ESRRB: variants seen among roughly 807,000 people sequenced by gnomAD.
ESRRB encodes steroid hormone receptor ERR2.
A neutral mutation model predicts 46.0 loss-of-function variants in ESRRB; 16 were observed. That is an observed-to-expected ratio of 0.35 (90% CI 0.24 to 0.53). ESRRB has a LOEUF of 0.53. Among genes scored for constraint, ESRRB ranks in the 20% least tolerant of loss-of-function variants. The pLI is 0.93. For missense variants in ESRRB, 488 were observed against 607.4 expected (o/e 0.80, Z 2.07); for synonymous variants, 246 against 259.6 (o/e 0.95, Z 0.50).
Position 76,499,993 on chromosome 14 carries a change from G to T in ESRRB, c.*1535G>T. The T allele has an allele frequency of 6.3e-7, 1 of 1,582,286 alleles. No individual in the cohort carries two copies. The highest frequency in any genetic ancestry group is 8.6e-7 in the Non-Finnish European group (1 of 1,163,356). On this transcript the variant is annotated 3_prime_UTR_variant, in exon 7 of 7. Transcript: ENST00000644823. ...AACTCCCCGGGGATCCCCAATCCAC[G>T]CCCTTCTAGTCCAACCCCCCTCAAT...
chr14:76,364,606 TG>T (rs1884500270), intron 1 of ESRRB, among the ~76,000 whole-genome samples: 1 of 151,528 alleles, frequency 6.6e-6, no homozygotes, highest in Non-Finnish European at 1.5e-5. Context: ...ATGGGAAAAT[TG>T]CTTGAACCTG....
At chr14:76,382,086 G>A (rs1337130942) in intron 1 of ESRRB, among the ~76,000 whole-genome samples, 1 of 152,160 alleles carries the variant, frequency 6.6e-6, no homozygotes, top group East Asian at 1.9e-4. Context: ...TGTAGAGGAT[G>A]TTTCTGAACC....
intron 3 of ESRRB, among the ~76,000 whole-genome samples, chr14:76,474,247 C>T (rs1475628358): frequency 6.6e-6 from 1 of 152,240 alleles, no homozygotes; most frequent in Non-Finnish European, 1.5e-5. Context: ...AAGCCAGACT[C>T]TATGACCTTC....
Position 76,482,267 on chromosome 14 carries a change from AT to A in ESRRB, c.688+144del. 2 of 749,052 alleles carry A rather than the reference AT, an allele frequency of 2.7e-6. No individual in the cohort carries two copies. Among genetic ancestry groups the A allele is most frequent in the South Asian group, 3.0e-5 (2 of 66,762 alleles). The allele number at this position is 749,052 out of a possible 1,614,324, so 46.4% of individuals were successfully genotyped here. ...GGGAGGTGACATCAGTGCCTGGCAC[AT>A]TTAGAATGTGGCTCCAAATGAAGCA... is the stretch of plus-strand genomic sequence containing the variant. On this transcript the variant is annotated intron_variant, in intron 4 of 6. Transcript: ENST00000644823. The surrounding 1 kb of genome is among the most constrained non-coding windows in gnomAD (Gnocchi z 4.3).
At chr14:76,402,836 G>T (rs909649589) in intron 1 of ESRRB, among the ~76,000 whole-genome samples, 14 of 152,078 alleles carry the variant, frequency 9.2e-5, no homozygotes, top group Admixed American at 5.9e-4. Context: ...TCAGCTCTGG[G>T]AATTCTTTCT....
At chr14:76,432,610 C>T (rs1158803506) in intron 1 of ESRRB, among the ~76,000 whole-genome samples, 5 of 127,760 alleles carry the variant, frequency 3.9e-5, no homozygotes, top group East Asian at 5.9e-4. Flanking sequence ...CACCTACAAA[C>T]TTCTCATCTG....
intron 6 of ESRRB, among the ~76,000 whole-genome samples, chr14:76,495,019 C>A (rs1455077678): frequency 1.3e-5 from 2 of 152,200 alleles, no homozygotes; most frequent in Admixed American, 1.3e-4. Context: ...CATGGACCCG[C>A]ACACATACAC....
intron 6 of ESRRB, among the ~76,000 whole-genome samples, chr14:76,492,114 A>G (rs191641343): frequency 6.6e-6 from 1 of 152,372 alleles, no homozygotes; most frequent in Admixed American, 6.5e-5. Context: ...TTCTTTATAC[A>G]TAATTATATT....
intron 2 of ESRRB, among the ~76,000 whole-genome samples, chr14:76,460,708 C>CCTTTTTTTTTTTTTT: frequency 9.2e-6 from 1 of 108,982 alleles, no homozygotes; most frequent in African/African-American, 4.6e-5. Flanking sequence ...GTTCCAGTTA[C>CCTTTTTTTTTTTTTT]ATTTTTTTTT....
intron 1 of ESRRB, among the ~76,000 whole-genome samples, chr14:76,411,665 C>A (rs908546653): frequency 6.6e-6 from 1 of 152,080 alleles, no homozygotes; most frequent in Non-Finnish European, 1.5e-5. Flanking sequence ...GTGGCAGCAT[C>A]CAGCTTCATA....
At chr14:76,345,078 C>A (rs937909575) in intron 1 of ESRRB, among the ~76,000 whole-genome samples, 1 of 152,142 alleles carries the variant, frequency 6.6e-6, no homozygotes, top group Non-Finnish European at 1.5e-5. Flanking sequence ...AGACTTGAAA[C>A]TATAAAAATT....
chr14:76,322,109 T>G (rs1191587079), intron 1 of ESRRB, among the ~76,000 whole-genome samples: 1 of 152,158 alleles, frequency 6.6e-6, no homozygotes, highest in African/African-American at 2.4e-5. Flanking sequence ...GTTTTCATCT[T>G]TTTATGTATT....
chr14:76,491,353 A>G lies in ESRRB; in HGVS notation c.851-94A>G, dbSNP rs1186270666. 28 of 1,333,306 alleles carry G rather than the reference A, an allele frequency of 2.1e-5. 1 individual carries two copies. In the Admixed American group the frequency reaches 5.5e-4, roughly 26 times the overall value. The allele number at this position is 1,333,306 out of a possible 1,614,324, so 82.6% of individuals were successfully genotyped here. On this transcript the variant is annotated intron_variant, in intron 5 of 6. Coordinates refer to ENST00000644823, the MANE Select transcript of ESRRB (RefSeq NM_001379180.1). ...TGCCAGGGACACCCCGCAACCAGCCACGCCCTGCAACCTCTGCCCCCAGCG... is the reference window on the plus strand; with the variant it reads ...TGCCAGGGACACCCCGCAACCAGCCGCGCCCTGCAACCTCTGCCCCCAGCG...
intron 1 of ESRRB, among the ~76,000 whole-genome samples, chr14:76,425,110 T>C (rs1233110522): frequency 1.3e-5 from 2 of 151,890 alleles, no homozygotes; most frequent in Non-Finnish European, 2.9e-5. Flanking sequence ...GTGCAGGGGA[T>C]GTTGACCCTG....
intron 6 of ESRRB, among the ~76,000 whole-genome samples, chr14:76,497,605 T>G (rs2140061808): frequency 6.6e-6 from 1 of 152,322 alleles, no homozygotes; most frequent in African/African-American, 2.4e-5. Flanking sequence ...GACACAGTGC[T>G]CAGCCCCTAT....
rs747089406 is a variant in ESRRB at position 76,439,441 on chromosome 14, C to G, written c.151C>G (p.Leu51Val). ...PSSPSSGIDALSHHSPSGSSD... is the reference protein window; with the variant it reads ...PSSPSSGIDAVSHHSPSGSSD... ...CAGCCCGTCCTCGGGCATCGATGCC[C>G]TCAGCCACCACAGCCCCAGTGGCTC... The change falls in exon 2 of 7, where the codon CTC becomes GTC. Residue 51 changes from leucine to valine, a missense_variant. Coordinates refer to ENST00000644823, the MANE Select transcript of ESRRB (RefSeq NM_001379180.1). The G allele has an allele frequency of 6.2e-7, 1 of 1,613,494 alleles. No individual in the cohort carries two copies. Among genetic ancestry groups the G allele is most frequent in the African/African-American group, 1.3e-5 (1 of 74,956 alleles).
At chr14:76,403,109 G>T (rs1886012804) in intron 1 of ESRRB, among the ~76,000 whole-genome samples, 1 of 152,206 alleles carries the variant, frequency 6.6e-6, no homozygotes, top group African/African-American at 2.4e-5. Flanking sequence ...TAATTCAGCT[G>T]CACTTAGAGG....
At chr14:76,415,707 G>C (rs1886668968) in intron 1 of ESRRB, among the ~76,000 whole-genome samples, 2 of 152,154 alleles carry the variant, frequency 1.3e-5, no homozygotes, top group African/African-American at 2.4e-5. Context: ...GGGTCTCACT[G>C]TATTGCCCAG....
intron 1 of ESRRB, among the ~76,000 whole-genome samples, chr14:76,342,834 T>C (rs973152751): frequency 3.3e-5 from 5 of 152,228 alleles, no homozygotes; most frequent in African/African-American, 1.2e-4. Context: ...TGCCAGGCAT[T>C]GTGACAGGTC....
Sources: gnomAD v4.1 joint callset for allele counts (sites outside exome capture counted in the v4.1 genomes callset) on GRCh38, gnomAD v4.1.1 for gene constraint, Gnocchi (gnomAD v3.1) non-coding constraint, MANE v1.5 for transcripts, NCBI Gene and HGNC (gene_info 2026-07-23, HGNC 2026-07-21) for gene names.